Variants in COL5A2 observed in about 807,000 individuals in gnomAD.
The protein encoded by COL5A2 is collagen alpha-2(V) chain.
Under a neutral mutation model 208.2 loss-of-function variants are expected in COL5A2, and 23 were observed. That is an observed-to-expected ratio of 0.11 (90% CI 0.08 to 0.16). The LOEUF (loss-of-function observed/expected upper bound fraction) is 0.16. Among genes scored for constraint, COL5A2 ranks in the 10% least tolerant of loss-of-function variants. COL5A2 has a pLI of 1.00. For synonymous variants in COL5A2, 625 were observed against 628.5 expected (o/e 0.99, Z 0.08); for missense variants, 1,590 against 1,956.4 (o/e 0.81, Z 3.53).
chr2:189,195,361 T>A (rs1431070766), intron 1 of COL5A2, among the ~76,000 whole-genome samples: 1 of 152,198 alleles, frequency 6.6e-6, no homozygotes, highest in Non-Finnish European at 1.5e-5. Flanking sequence ...ATAGGAAGAA[T>A]TAATATCGTG....
the COL5A2 span, among the ~76,000 whole-genome samples, chr2:189,390,469 T>C: frequency 6.6e-6 from 1 of 152,098 alleles, no homozygotes; most frequent in Non-Finnish European, 1.5e-5. Context: ...CCCAAAAGAA[T>C]GGCACAGAAG....
the COL5A2 span, among the ~76,000 whole-genome samples, chr2:189,422,548 A>G: frequency 6.6e-6 from 1 of 152,218 alleles, no homozygotes; most frequent in African/African-American, 2.4e-5. Context: ...ATTTAGGTCA[A>G]CTGAACCTAA....
chr2:189,068,709 A>T, intron 19 of COL5A2, 77 bp downstream of exon 19: 2 of 1,041,672 alleles, frequency 1.9e-6, no homozygotes, highest in Non-Finnish European at 3.0e-6. Flanking sequence ...CAATTAAAAA[A>T]ATAGGTTGAA....
At chr2:189,161,292 G>C (rs1016622) in intron 1 of COL5A2, among the ~76,000 whole-genome samples, 119,773 of 151,776 alleles carry the variant, frequency 0.79, 49,858 homozygotes, top group Non-Finnish European at 0.91. Flanking sequence ...GTATTTATTA[G>C]ACAGCATTAT....
At chr2:189,130,930 G>A (rs1687700615) in intron 1 of COL5A2, among the ~76,000 whole-genome samples, 1 of 151,966 alleles carries the variant, frequency 6.6e-6, no homozygotes, top group African/African-American at 2.4e-5. Context: ...AAAAGATTTA[G>A]TCCTTAAAGA....
the COL5A2 span, among the ~76,000 whole-genome samples, chr2:189,404,232 A>C: frequency 6.6e-5 from 10 of 152,230 alleles, no homozygotes; most frequent in Non-Finnish European, 1.0e-4. Context: ...AGAGATTAGC[A>C]TTTGAATCAG....
chr2:189,440,664 T>C, the COL5A2 span, among the ~76,000 whole-genome samples: 1 of 152,190 alleles, frequency 6.6e-6, no homozygotes, highest in African/African-American at 2.4e-5. Context: ...TCCAAGAATA[T>C]GATACGTGTA....
chr2:189,367,295 T>C, the COL5A2 span, among the ~76,000 whole-genome samples: 1 of 152,156 alleles, frequency 6.6e-6, no homozygotes, highest in Non-Finnish European at 1.5e-5. Context: ...CAGAAACCCC[T>C]CTGCCCCAGA....
At chr2:189,047,005 C>G (rs1226424428) in intron 45 of COL5A2, among the ~76,000 whole-genome samples, 1 of 151,812 alleles carries the variant, frequency 6.6e-6, no homozygotes, top group Non-Finnish European at 1.5e-5. Context: ...GCCTGCAGTC[C>G]CAGCTACTGG....
the COL5A2 span, among the ~76,000 whole-genome samples, chr2:189,282,129 T>A: frequency 6.6e-6 from 1 of 152,106 alleles, no homozygotes. Flanking sequence ...GAGGTGGCAG[T>A]GAACCAAGAT....
intron 1 of COL5A2, among the ~76,000 whole-genome samples, chr2:189,123,299 A>G (rs1687545587): frequency 6.6e-6 from 1 of 152,196 alleles, no homozygotes; most frequent in Non-Finnish European, 1.5e-5. Flanking sequence ...AGTCTCAGAA[A>G]TGAATGGAGG....
the COL5A2 span, among the ~76,000 whole-genome samples, chr2:189,285,240 T>C: frequency 6.6e-6 from 1 of 152,074 alleles, no homozygotes; most frequent in Non-Finnish European, 1.5e-5. Context: ...CAGACCACTG[T>C]GACAAAAGTT....
chr2:189,229,246 A>G (rs1689452337), upstream of COL5A2, among the ~76,000 whole-genome samples: 1 of 151,682 alleles, frequency 6.6e-6, no homozygotes, highest in Non-Finnish European at 1.5e-5. Context: ...AATCAGGAAA[A>G]AAAGCACAGA....
the COL5A2 span, among the ~76,000 whole-genome samples, chr2:189,242,436 C>A: frequency 2.0e-5 from 3 of 152,130 alleles, no homozygotes; most frequent in East Asian, 5.8e-4. Context: ...AAATACAGTT[C>A]TAGCCAACAT....
At chr2:189,383,099 A>T in the COL5A2 span, among the ~76,000 whole-genome samples, 29,253 of 152,204 alleles carry the variant, frequency 0.19, 3,118 homozygotes, top group South Asian at 0.26. Flanking sequence ...TTTTACTAAC[A>T]TAAGTATGTC....
chr2:189,277,790 T>C, the COL5A2 span, among the ~76,000 whole-genome samples: 2 of 152,156 alleles, frequency 1.3e-5, no homozygotes, highest in African/African-American at 4.8e-5. Context: ...TGCCTCTATG[T>C]ATTACTTGAC....
chr2:189,431,823 T>C, the COL5A2 span, among the ~76,000 whole-genome samples: 1 of 152,066 alleles, frequency 6.6e-6, no homozygotes, highest in Non-Finnish European at 1.5e-5. Context: ...CAGGCCAACA[T>C]TCAAATTCAG....
At chr2:189,057,225 G>A in intron 34 of COL5A2, 95 bp downstream of exon 34, 1 of 1,027,020 alleles carries the variant, frequency 9.7e-7, no homozygotes, top group Non-Finnish European at 1.4e-6. Context: ...GACTCAGGAT[G>A]GTAGAAATAA....
intron 35 of COL5A2, among the ~76,000 whole-genome samples, chr2:189,054,635 C>A (rs778807027): frequency 6.7e-6 from 1 of 149,992 alleles, no homozygotes; most frequent in Non-Finnish European, 1.5e-5. Context: ...AGCAAAATAT[C>A]ACTTTTTTAC....
Sources: gnomAD v4.1 joint callset for allele counts (sites outside exome capture counted in the v4.1 genomes callset) on GRCh38, gnomAD v4.1.1 for gene constraint, MANE v1.5 for transcripts, NCBI Gene and HGNC (gene_info 2026-07-23, HGNC 2026-07-21) for gene names.